PPP3CC: variants seen among roughly 807,000 people sequenced by gnomAD.
The protein encoded by PPP3CC is serine/threonine-protein phosphatase 2B catalytic subunit gamma isoform.
In PPP3CC, 35 loss-of-function variants were observed where a neutral mutation model predicts 60.3. That is an observed-to-expected ratio of 0.58 (90% CI 0.44 to 0.77). The LOEUF (loss-of-function observed/expected upper bound fraction) is 0.77, where lower values mean the gene tolerates loss of function less well. PPP3CC is among the 30% of genes least tolerant of loss of function. PPP3CC has a pLI of 0.00. For missense variants in PPP3CC, 570 were observed against 628.9 expected, an observed-to-expected ratio of 0.91 and a Z score of 1.00; for synonymous variants, 206 against 224.3, an observed-to-expected ratio of 0.92 and a Z score of 0.73.
intron 10 of PPP3CC, among the ~76,000 whole-genome samples, chr8:22,529,576 C>T (rs538767874): frequency 2.0e-5 from 3 of 152,186 alleles, no homozygotes; most frequent in South Asian, 4.2e-4. Flanking sequence ...CTTCACCTCC[C>T]GAGTTCAAGC....
intron 4 of PPP3CC, among the ~76,000 whole-genome samples, chr8:22,505,177 C>G (rs550138688): frequency 6.6e-6 from 1 of 152,156 alleles, no homozygotes; most frequent in East Asian, 1.9e-4. Context: ...CAGGCACGCA[C>G]CACCACGCCT....
intron 1 of PPP3CC, among the ~76,000 whole-genome samples, chr8:22,449,411 C>A (rs942302740): frequency 7.6e-6 from 1 of 130,768 alleles, no homozygotes; most frequent in African/African-American, 3.0e-5. Context: ...GCCAAGATAG[C>A]GCCACACTCC....
At chr8:22,530,635 A>G (rs931580057) in intron 10 of PPP3CC, among the ~76,000 whole-genome samples, 2 of 151,072 alleles carry the variant, frequency 1.3e-5, no homozygotes, top group African/African-American at 4.9e-5. Context: ...GATCGACACC[A>G]TGCTGGCCAA....
At chr8:22,492,920 C>G in intron 3 of PPP3CC, 1 of 1,227,096 alleles carries the variant, frequency 8.1e-7, no homozygotes, top group South Asian at 1.2e-5. Flanking sequence ...TACCCAGCAT[C>G]TTAAACCAGC....
intron 1 of PPP3CC, among the ~76,000 whole-genome samples, chr8:22,471,887 G>A (rs981658265): frequency 6.6e-6 from 1 of 152,156 alleles, no homozygotes; most frequent in African/African-American, 2.4e-5. Flanking sequence ...AGCACTTTGG[G>A]ATGCTGAGGT....
chr8:22,443,498 G>T (rs369615506), intron 1 of PPP3CC, among the ~76,000 whole-genome samples: 13 of 147,104 alleles, frequency 8.8e-5, no homozygotes, highest in African/African-American at 3.3e-4. Flanking sequence ...TCCAGTCTGG[G>T]CAACAGAGTG....
chr8:22,517,281 G>T (rs2449329), intron 6 of PPP3CC, among the ~76,000 whole-genome samples: 72,401 of 151,910 alleles, frequency 0.48, 17,302 homozygotes, highest in East Asian at 0.56. Context: ...AGTGTTTTAT[G>T]GAGGATTTAA....
intron 1 of PPP3CC, among the ~76,000 whole-genome samples, chr8:22,472,869 G>A (rs1837771783): frequency 6.6e-6 from 1 of 151,754 alleles, no homozygotes; most frequent in African/African-American, 2.4e-5. Context: ...TCCTATTCCA[G>A]TTCCCACTCA....
chr8:22,498,552 AGT>A (rs1838658756), intron 4 of PPP3CC, among the ~76,000 whole-genome samples: 1 of 152,228 alleles, frequency 6.6e-6, no homozygotes, highest in Non-Finnish European at 1.5e-5. Flanking sequence ...ATTATGAAAT[AGT>A]TCAGGTATAC....
intron 1 of PPP3CC, among the ~76,000 whole-genome samples, chr8:22,468,537 GT>G (rs948319791): frequency 2.3e-3 from 344 of 148,940 alleles, no homozygotes; most frequent in African/African-American, 7.5e-3. Context: ...AGATTCATGA[GT>G]TTTTTTTTTA....
At chr8:22,488,644 A>G (rs1252511746) in intron 3 of PPP3CC, among the ~76,000 whole-genome samples, 2 of 152,228 alleles carry the variant, frequency 1.3e-5, no homozygotes, top group Non-Finnish European at 2.9e-5. Context: ...TTCTAGTGAG[A>G]GGGACAGCAT....
At chr8:22,527,598 C>A in intron 9 of PPP3CC, 81 bp downstream of exon 9, 3 of 1,447,954 alleles carry the variant, frequency 2.1e-6, no homozygotes, top group South Asian at 1.3e-5. Context: ...CTCCATGATT[C>A]AGAAATGTTT....
At chr8:22,487,834 T>C (rs1278707848) in intron 3 of PPP3CC, among the ~76,000 whole-genome samples, 1 of 152,194 alleles carries the variant, frequency 6.6e-6, no homozygotes, top group Non-Finnish European at 1.5e-5. Flanking sequence ...GATGACCAAT[T>C]GATGAACAGG....
At chr8:22,493,376 CA>C (rs199822256) in intron 3 of PPP3CC, among the ~76,000 whole-genome samples, 5,692 of 131,856 alleles carry the variant, frequency 0.043, 216 homozygotes, top group African/African-American at 0.1. Context: ...CCTAGTATAC[CA>C]AAAAAAAAAA....
At chr8:22,514,015 G>C (rs1839167654) in intron 6 of PPP3CC, among the ~76,000 whole-genome samples, 1 of 152,206 alleles carries the variant, frequency 6.6e-6, no homozygotes, top group African/African-American at 2.4e-5. Context: ...GGGTGCCTAG[G>C]CGGGCGGATC....
At chr8:22,502,759 G>T (rs375659331) in intron 4 of PPP3CC, among the ~76,000 whole-genome samples, 1 of 152,148 alleles carries the variant, frequency 6.6e-6, no homozygotes, top group South Asian at 2.1e-4. Context: ...TATTTTATAA[G>T]GCATTTGCAG....
intron 3 of PPP3CC, among the ~76,000 whole-genome samples, chr8:22,485,094 A>G (rs71513885): frequency 0.066 from 10,015 of 152,212 alleles, 447 homozygotes; most frequent in Non-Finnish European, 0.099. Context: ...GATCCTTACG[A>G]TGTTTGAACA....
Position 22,441,362 on chromosome 8 carries a change from G to A in PPP3CC, c.-48G>A. Reference sequence around the variant, plus strand: ...AGGAGAAGGCGGCGGCCGCGGCGTAGGCGCACGTCCGGCGGGCTCCTGGAG... The same window carrying A: ...AGGAGAAGGCGGCGGCCGCGGCGTAAGCGCACGTCCGGCGGGCTCCTGGAG... On this transcript the variant is annotated 5_prime_UTR_variant, in exon 1 of 14. Transcript: ENST00000240139. 6.6e-7 allele frequency: 1 copy of A among 1,509,284 alleles called. No homozygotes were observed. Among genetic ancestry groups the A allele is most frequent in the Non-Finnish European group, 8.8e-7 (1 of 1,131,032 alleles). 93.5% of individuals were successfully genotyped at this position (1,509,284 alleles called of 1,614,324 possible).
chr8:22,449,588 A>G (rs896623891), intron 1 of PPP3CC, among the ~76,000 whole-genome samples: 1 of 152,084 alleles, frequency 6.6e-6, no homozygotes, highest in African/African-American at 2.4e-5. Flanking sequence ...CTTAAAGAAT[A>G]TTATAGCTGA....
Sources: gnomAD v4.1 joint callset for allele counts (sites outside exome capture counted in the v4.1 genomes callset) on GRCh38, gnomAD v4.1.1 for gene constraint, MANE v1.5 for transcripts, NCBI Gene and HGNC (gene_info 2026-07-23, HGNC 2026-07-21) for gene names.